AEBP2: variants seen among roughly 807,000 people sequenced by gnomAD.
The protein encoded by AEBP2 is AE binding protein 2, also known as zinc finger protein AEBP2.
In AEBP2, 10 loss-of-function variants were observed where a neutral mutation model predicts 50.8. The observed-to-expected ratio is 0.20, with a 90% confidence interval of 0.12 to 0.33. The LOEUF (loss-of-function observed/expected upper bound fraction) is 0.33. AEBP2 is among the 10% of genes least tolerant of loss of function. The probability of loss-of-function intolerance (pLI) is 1.00; values close to 1 mark genes in which losing one functional copy is unlikely to be tolerated. For missense variants in AEBP2, 570 were observed against 688.0 expected (o/e 0.83, Z 1.92); for synonymous variants, 296 against 261.3 (o/e 1.13, Z -1.28).
At chr12:19,498,620 G>T (rs1237166892) in intron 4 of AEBP2, among the ~76,000 whole-genome samples, 11 of 152,000 alleles carry the variant, frequency 7.2e-5, no homozygotes, top group Non-Finnish European at 1.3e-4. Context: ...TAGTGAAATT[G>T]AATTTTCAAT....
rs879028865 is a variant in AEBP2, at chr12:19,413,161, C to A, written c.-17+8945C>A. The A allele has an allele frequency of 1.2e-5, 9 of 740,436 alleles. No homozygotes were observed. The East Asian group carries it at 2.2e-4, about 18-fold the overall frequency. 45.9% of individuals were successfully genotyped at this position (740,436 alleles called of 1,614,324 possible). On this transcript the variant is annotated intron_variant, in intron 1 of 3. Transcript: ENST00000538425. ...CCAAGTTTAGCCGACAGGATCCTGGCGATGCAGCCCAACAGGAAGCAAAGC... is the reference window on the plus strand; with the variant it reads ...CCAAGTTTAGCCGACAGGATCCTGGAGATGCAGCCCAACAGGAAGCAAAGC...
intron 1 of AEBP2, among the ~76,000 whole-genome samples, chr12:19,460,778 C>G (rs991720353): frequency 1.3e-4 from 19 of 151,964 alleles, no homozygotes; most frequent in Non-Finnish European, 2.2e-4. Flanking sequence ...CCTCAGTCTC[C>G]CGAGTAGCTG....
chr12:19,417,806 A>G (rs1484451815), intron 1 of AEBP2, among the ~76,000 whole-genome samples: 1 of 146,604 alleles, frequency 6.8e-6, no homozygotes, highest in Non-Finnish European at 1.5e-5. Context: ...CTGGGTTCAA[A>G]CGATTCTCCT....
At chr12:19,418,204 CTTTCTATTGATTACAGGTCT>C (rs566031348) in intron 1 of AEBP2, among the ~76,000 whole-genome samples, 1,797 of 152,056 alleles carry the variant, frequency 0.012, 42 homozygotes, top group African/African-American at 0.041. Flanking sequence ...TGAGACACCC[CTTTCTATTGATTACAGGTCT>C]TTATTTTATT....
chr12:19,484,250 A>ATTTTTTTTTTTTTTTT (rs59403434), intron 3 of AEBP2, among the ~76,000 whole-genome samples: 3 of 107,516 alleles, frequency 2.8e-5, no homozygotes, highest in Non-Finnish European at 5.5e-5. Context: ...CGCCCAGCCA[A>ATTTTTTTTTTTTTTTT]TTTTTTTTTT....
At position 19,429,127 on chromosome 12, in the gene AEBP2, A is replaced by G. The variant is rs574322198; in HGVS notation, c.-17+24911A>G. On this transcript the variant is annotated intron_variant, in intron 1 of 3. Transcript: ENST00000538425. ...TATCTCCGAATGCTATCCCTCCCCA[A>G]TCCTCTCACCCCACAACAGGCCCCG... Among the ~76,000 whole-genome samples the G allele has an allele frequency of 9.9e-5, 15 of 151,964 alleles. No homozygotes were observed. In the South Asian group the frequency reaches 1.3e-3, roughly 13 times the overall value.
intron 5 of AEBP2, among the ~76,000 whole-genome samples, chr12:19,505,205 A>G (rs903689275): frequency 2.0e-5 from 3 of 152,190 alleles, no homozygotes; most frequent in South Asian, 4.1e-4. Context: ...ATTTGGGAAC[A>G]TAGTTTTATG....
chr12:19,501,434 A>T (rs935627992), intron 5 of AEBP2, among the ~76,000 whole-genome samples: 1 of 152,122 alleles, frequency 6.6e-6, no homozygotes, highest in African/African-American at 2.4e-5. Context: ...TAGGAATTCA[A>T]TACCAGCCTG....
intron 2 of AEBP2, 90 bp downstream of exon 2, chr12:19,462,807 TTTGGG>T: frequency 8.3e-7 from 1 of 1,205,146 alleles, no homozygotes; most frequent in Non-Finnish European, 1.1e-6. Context: ...CTGAAAGTAA[TTTGGG>T]ATTATTTTTA....
chr12:19,409,472 GAAAATGGCTT>G lies in AEBP2; in HGVS notation c.-17+5257_-17+5266del, dbSNP rs546665150. Among the ~76,000 whole-genome samples, 546 of 152,214 alleles carry G rather than the reference GAAAATGGCTT, an allele frequency of 3.6e-3. 2 individuals are homozygous for G. The highest frequency in any genetic ancestry group is 0.012 in the African/African-American group (514 of 41,540). On this transcript the variant is annotated intron_variant, in intron 1 of 3. Transcript: ENST00000538425. ...AGAATCATATTTTTTTAACTCACTG[GAAAATGGCTT>G]CCACATTCCACAGGATAAGGAAGGA...
At chr12:19,437,209 AT>A (rs1947868342), upstream of AEBP2, among the ~76,000 whole-genome samples, 1 of 152,106 alleles carries the variant, frequency 6.6e-6, no homozygotes, top group East Asian at 1.9e-4. Context: ...CTATTAGTTC[AT>A]TCTCTTTTTG....
At chr12:19,449,292 A>G (rs1330841872) in intron 1 of AEBP2, among the ~76,000 whole-genome samples, 1 of 152,118 alleles carries the variant, frequency 6.6e-6, no homozygotes, top group African/African-American at 2.4e-5. Flanking sequence ...ATCTTTGTGT[A>G]TATACATTTC....
At chr12:19,517,434 C>T (rs1949336427) in intron 7 of AEBP2, among the ~76,000 whole-genome samples, 1 of 152,106 alleles carries the variant, frequency 6.6e-6, no homozygotes, top group African/African-American at 2.4e-5. Context: ...GATAACAATA[C>T]AACAATACAA....
intron 3 of AEBP2, among the ~76,000 whole-genome samples, chr12:19,478,418 C>A (rs1005055422): frequency 2.0e-5 from 3 of 152,126 alleles, no homozygotes; most frequent in Admixed American, 6.5e-5. Flanking sequence ...GTCTCAGCCT[C>A]CCAAGTAAGC....
At chr12:19,440,469 C>T in intron 1 of AEBP2, 99 bp downstream of exon 1, 2 of 1,411,620 alleles carry the variant, frequency 1.4e-6, no homozygotes, top group South Asian at 1.6e-5. Context: ...TCCCCCTGCT[C>T]CCCGAATCCT....
intron 4 of AEBP2, among the ~76,000 whole-genome samples, chr12:19,494,932 G>A (rs9788212): frequency 1 from 151,431 of 152,132 alleles, 75,373 homozygotes; most frequent in Middle Eastern, 1. Flanking sequence ...TTTTTGATGG[G>A]GTCTCACACT....
At chr12:19,439,378 G>A (rs965577806), upstream of AEBP2, among the ~76,000 whole-genome samples, 15 of 149,562 alleles carry the variant, frequency 1.0e-4, no homozygotes, top group African/African-American at 3.4e-4. Context: ...TGCAGGCGCC[G>A]GGGCGGGGGC....
At chr12:19,457,523 A>G in intron 1 of AEBP2, 1 of 1,482,434 alleles carries the variant, frequency 6.7e-7, no homozygotes, top group Non-Finnish European at 9.0e-7. Context: ...CCTCCTTCTC[A>G]ATTTTTTCAA....
intron 1 of AEBP2, among the ~76,000 whole-genome samples, chr12:19,448,084 G>A (rs1332867056): frequency 1.3e-5 from 2 of 151,724 alleles, no homozygotes; most frequent in Admixed American, 1.3e-4. Flanking sequence ...TTTTATTTTT[G>A]AAAATGGAGA....
Sources: allele counts gnomAD v4.1 joint callset (sites outside exome capture counted in the v4.1 genomes callset), GRCh38; gene constraint gnomAD v4.1.1; transcripts MANE v1.5; gene names NCBI Gene and HGNC (gene_info 2026-07-23, HGNC 2026-07-21).